Variants in PALS1 observed in about 807,000 individuals in gnomAD.
PALS1 encodes the protein protein PALS1.
Under a neutral mutation model 78.9 loss-of-function variants are expected in PALS1, and 31 were observed. That is an observed-to-expected ratio of 0.39 (90% CI 0.30 to 0.53). PALS1 has a LOEUF of 0.53. Among genes scored for constraint, PALS1 ranks in the 20% least tolerant of loss-of-function variants. The probability of loss-of-function intolerance (pLI) is 0.67; values close to 1 mark genes in which losing one functional copy is unlikely to be tolerated. For synonymous variants in PALS1, 276 were observed against 270.9 expected, an observed-to-expected ratio of 1.02 and a Z score of -0.18; for missense variants, 704 against 826.5, an observed-to-expected ratio of 0.85 and a Z score of 1.82.
chr14:67,330,696 G>A (rs1204165164), intron 14 of PALS1, among the ~76,000 whole-genome samples: 1 of 152,072 alleles, frequency 6.6e-6, no homozygotes, highest in Non-Finnish European at 1.5e-5. Context: ...GACCTCAGGT[G>A]ATCCACCTGC....
At chr14:67,314,962 G>A (rs1025266319) in intron 9 of PALS1, among the ~76,000 whole-genome samples, 2 of 152,108 alleles carry the variant, frequency 1.3e-5, no homozygotes, top group Non-Finnish European at 2.9e-5. Flanking sequence ...TTAAAAATTA[G>A]CTGGGCATGG....
At chr14:67,289,247 C>T (rs2084735486) in intron 3 of PALS1, among the ~76,000 whole-genome samples, 1 of 152,134 alleles carries the variant, frequency 6.6e-6, no homozygotes, top group African/African-American at 2.4e-5. Flanking sequence ...GGATTACAGG[C>T]ATGAGCCACC....
intron 6 of PALS1, 52 bp from the exon 7 acceptor site, chr14:67,302,358 A>G: frequency 7.9e-7 from 1 of 1,266,700 alleles, no homozygotes; most frequent in Admixed American, 3.3e-5. Context: ...ATAAATGCTT[A>G]ACAAAAATTG....
chr14:67,286,868 A>AG (rs1397850811), intron 3 of PALS1, among the ~76,000 whole-genome samples: 3 of 151,042 alleles, frequency 2.0e-5, no homozygotes, highest in East Asian at 1.9e-4. Context: ...AAAAAAAAAA[A>AG]AAAAAAGAAA....
At chr14:67,250,605 A>G (rs1394687092) in intron 1 of PALS1, among the ~76,000 whole-genome samples, 2 of 152,216 alleles carry the variant, frequency 1.3e-5, no homozygotes. Context: ...CACACTGTTC[A>G]TACAATATGC....
intron 1 of PALS1, among the ~76,000 whole-genome samples, chr14:67,255,626 C>T (rs115874811): frequency 0.012 from 1,845 of 152,208 alleles, 19 homozygotes; most frequent in Non-Finnish European, 0.018. Context: ...GATAACACTT[C>T]GATTACTTTT....
chr14:67,263,251 A>G (rs921046379), intron 1 of PALS1, among the ~76,000 whole-genome samples: 3 of 152,212 alleles, frequency 2.0e-5, no homozygotes, highest in African/African-American at 2.4e-5. Flanking sequence ...GAAAAGAATC[A>G]TGATGCTCTC....
chr14:67,320,590 A>G (rs8007866), intron 12 of PALS1, among the ~76,000 whole-genome samples, 193 bp downstream of exon 12: 28,820 of 152,120 alleles, frequency 0.19, 4,367 homozygotes, highest in East Asian at 0.48. Flanking sequence ...TTTGTCCTTC[A>G]AGTATGTACT....
chr14:67,309,592 A>G (rs575973445), intron 8 of PALS1, among the ~76,000 whole-genome samples: 6 of 152,334 alleles, frequency 3.9e-5, no homozygotes, highest in Non-Finnish European at 7.4e-5. Flanking sequence ...TGAGAACTGC[A>G]TAGGCAAGAG....
intron 1 of PALS1, among the ~76,000 whole-genome samples, chr14:67,255,850 G>T (rs2084137199): frequency 6.6e-6 from 1 of 152,060 alleles, no homozygotes; most frequent in Non-Finnish European, 1.5e-5. Flanking sequence ...ACTATGCCTG[G>T]CTAATTTTGT....
chr14:67,245,456 CTT>C (rs1167167430), intron 1 of PALS1, among the ~76,000 whole-genome samples: 1 of 152,020 alleles, frequency 6.6e-6, no homozygotes. Context: ...GTGTCTGAAA[CTT>C]TTGCCCATTT....
At chr14:67,256,046 A>T (rs963881786) in intron 1 of PALS1, among the ~76,000 whole-genome samples, 1 of 152,192 alleles carries the variant, frequency 6.6e-6, no homozygotes, top group Non-Finnish European at 1.5e-5. Context: ...TTGTTTTCAG[A>T]AAAGTAATAT....
chr14:67,256,797 G>C (rs1460626377), intron 1 of PALS1, among the ~76,000 whole-genome samples: 4 of 147,682 alleles, frequency 2.7e-5, no homozygotes, highest in South Asian at 2.1e-4. Flanking sequence ...AGAAACTATT[G>C]ACACACACAC....
intron 4 of PALS1, among the ~76,000 whole-genome samples, chr14:67,295,535 C>T (rs952645957): frequency 2.7e-5 from 4 of 150,512 alleles, no homozygotes; most frequent in African/African-American, 4.9e-5. Context: ...AAAGACTACT[C>T]GGTTAAAAAA....
At chr14:67,310,777 T>A (rs1434523166) in intron 8 of PALS1, among the ~76,000 whole-genome samples, 1 of 152,204 alleles carries the variant, frequency 6.6e-6, no homozygotes, top group Non-Finnish European at 1.5e-5. Flanking sequence ...TTCTTTGAAA[T>A]TAAAAAATAT....
intron 1 of PALS1, among the ~76,000 whole-genome samples, chr14:67,253,931 A>G (rs1184200973): frequency 1.3e-5 from 2 of 148,800 alleles, no homozygotes; most frequent in African/African-American, 5.0e-5. Context: ...TTGTTTACTG[A>G]TATCAGTGTG....
chr14:67,303,702 A>AGAG, intron 8 of PALS1, 103 bp downstream of exon 8: 3 of 774,864 alleles, frequency 3.9e-6, no homozygotes, highest in South Asian at 1.6e-5. Flanking sequence ...GTACTCAAAT[A>AGAG]AATTCAATCA....
At chr14:67,250,499 A>G (rs980193216) in intron 1 of PALS1, among the ~76,000 whole-genome samples, 12 of 152,224 alleles carry the variant, frequency 7.9e-5, no homozygotes, top group African/African-American at 2.7e-4. Flanking sequence ...TGTACTGGAC[A>G]TGCAGATTTA....
chr14:67,248,507 T>A (rs1290842757), intron 1 of PALS1, among the ~76,000 whole-genome samples: 1 of 152,182 alleles, frequency 6.6e-6, no homozygotes, highest in Non-Finnish European at 1.5e-5. Context: ...TTATAAAAAT[T>A]AAAACATTTG....
Sources: allele counts gnomAD v4.1 joint callset (sites outside exome capture counted in the v4.1 genomes callset), GRCh38; gene constraint gnomAD v4.1.1; transcripts MANE v1.5; gene names NCBI Gene and HGNC (gene_info 2026-07-23, HGNC 2026-07-21).